The following GLRA2 variants were observed in gnomAD, a reference collection of about 807,000 sequenced individuals.
The protein encoded by GLRA2 is glycine receptor alpha 2.
Under a neutral mutation model 31.6 loss-of-function variants are expected in GLRA2, and 11 were observed. The observed-to-expected ratio is 0.35, with a 90% CI of 0.22 to 0.58. The LOEUF (loss-of-function observed/expected upper bound fraction) is 0.58. GLRA2 is among the 20% of genes least tolerant of loss of function. The pLI, the probability that GLRA2 is intolerant of heterozygous loss-of-function variation, is 0.84. For missense variants in GLRA2, 212 were observed against 351.8 expected (o/e 0.60, Z 3.18); for synonymous variants, 132 against 134.0 (o/e 0.99, Z 0.10).
At chrX:14,690,578 T>A (rs2091334468) in intron 7 of GLRA2, 132 bp from the exon 8 acceptor site, 2 of 461,619 alleles carry the variant, frequency 4.3e-6, no homozygotes, top group Non-Finnish European at 7.4e-6. Flanking sequence ...CGCTGGAAAA[T>A]CATTGACCAA....
At chrX:14,601,460 G>A (rs761074201) in intron 4 of GLRA2, among the ~76,000 whole-genome samples, 1 of 111,477 alleles carries the variant, frequency 9.0e-6, no homozygotes, top group African/African-American at 3.3e-5. Flanking sequence ...ACACAAAGAT[G>A]GGAAAGCTGT....
the GLRA2 span, among the ~76,000 whole-genome samples, chrX:14,493,660 CATAT>C: frequency 2.1e-5 from 2 of 94,384 alleles, no homozygotes; most frequent in Non-Finnish European, 4.1e-5. Flanking sequence ...CATATGTACA[CATAT>C]ATATGTATAC....
At chrX:14,656,886 T>C (rs1452658368) in intron 7 of GLRA2, among the ~76,000 whole-genome samples, 1 of 111,912 alleles carries the variant, frequency 8.9e-6, no homozygotes, top group Admixed American at 9.5e-5. Context: ...GCGTGGTAAA[T>C]TGTTAGGTGA....
At chrX:14,577,070 T>A (rs1026362084) in intron 3 of GLRA2, among the ~76,000 whole-genome samples, 2 of 112,853 alleles carry the variant, frequency 1.8e-5, no homozygotes, top group Admixed American at 1.9e-4. Context: ...ATTGGCAAAC[T>A]TTTTCTGTAA....
At chrX:14,523,177 G>C in the GLRA2 span, among the ~76,000 whole-genome samples, 5 of 112,103 alleles carry the variant, frequency 4.5e-5, no homozygotes, top group Non-Finnish European at 7.5e-5. Flanking sequence ...ACTCGAGCAC[G>C]TTGCATTTTT....
chrX:14,470,700 G>C, the GLRA2 span, among the ~76,000 whole-genome samples: 3,906 of 111,669 alleles, frequency 0.035, 160 homozygotes, highest in African/African-American at 0.12. Flanking sequence ...TTTTCAAATT[G>C]TTATGAACTC....
At chrX:14,594,309 G>T (rs1057288049) in intron 4 of GLRA2, among the ~76,000 whole-genome samples, 3 of 110,741 alleles carry the variant, frequency 2.7e-5, no homozygotes, top group African/African-American at 9.9e-5. Flanking sequence ...TTGCTACACT[G>T]TACAGTAACT....
the GLRA2 span, among the ~76,000 whole-genome samples, chrX:14,473,283 A>G: frequency 9.0e-6 from 1 of 111,667 alleles, no homozygotes; most frequent in South Asian, 3.8e-4. Context: ...GACATTCAGG[A>G]TGTGGTTTAA....
chrX:14,654,733 C>T (rs1038769820), intron 7 of GLRA2, among the ~76,000 whole-genome samples: 8 of 111,349 alleles, frequency 7.2e-5, no homozygotes, highest in Non-Finnish European at 1.3e-4. Flanking sequence ...TTGTATTAGT[C>T]CATTTTCACA....
At chrX:14,473,951 A>G in the GLRA2 span, among the ~76,000 whole-genome samples, 1 of 111,924 alleles carries the variant, frequency 8.9e-6, no homozygotes, top group Non-Finnish European at 1.9e-5. Context: ...CTGTTCTATT[A>G]CATAAGAACA....
intron 8 of GLRA2, among the ~76,000 whole-genome samples, chrX:14,697,418 G>A (rs1197868139): frequency 8.9e-6 from 1 of 112,144 alleles, no homozygotes; most frequent in East Asian, 2.8e-4. Context: ...CGGTATAGGG[G>A]TATGCATGTG....
chrX:14,484,175 G>A, the GLRA2 span, among the ~76,000 whole-genome samples: 1 of 111,595 alleles, frequency 9.0e-6, no homozygotes, highest in Non-Finnish European at 1.9e-5. Flanking sequence ...ACCCTAATAC[G>A]ATAAGAAAAA....
At chrX:14,610,681 A>G (rs2090387431) in intron 7 of GLRA2, among the ~76,000 whole-genome samples, 1 of 112,060 alleles carries the variant, frequency 8.9e-6, no homozygotes, top group South Asian at 3.7e-4. Flanking sequence ...ACAAACATAT[A>G]TTTTACAATT....
rs1229882581 is a variant in GLRA2, at chrX:14,532,320, G to A, written c.150G>A (p.Lys50=). The change falls in exon 2 of 9, where the codon AAG becomes AAA. Residue 50 remains lysine, a synonymous_variant. Coordinates refer to ENST00000218075, the MANE Select transcript of GLRA2 (RefSeq NM_002063.4). The stretch of plus-strand genomic sequence containing the variant: ...TATCTCCTTCAGATTTCTTGGACAA[G>A]TTAATGGGAAGGACATCAGGATATG... ...QTLSPSDFLD[K]LMGRTSGYDA... 10 of 1,192,969 alleles carry A rather than the reference G, an allele frequency of 8.4e-6. No individual in the cohort carries two copies. The highest frequency in any genetic ancestry group is 3.5e-5 in the African/African-American group (2 of 57,360).
Position 14,730,477 on chromosome X carries a change from A to C in GLRA2, c.1351A>C (p.Lys451Gln), listed in dbSNP as rs751016526. The change falls in exon 9 of 9, where the codon AAG (lysine) becomes CAG (glutamine). Residue 451 changes from lysine to glutamine, a missense_variant. Physicochemically the swap from Lys to Gln is moderately conservative, Grantham distance 53 (BLOSUM62 1). Coordinates refer to ENST00000218075, the MANE Select transcript of GLRA2 (RefSeq NM_002063.4). ...YKIIRHEDVH[K>Q]K Reference sequence around the variant, plus strand: ...GATCATTCGGCATGAAGATGTCCACAAGAAATAGATGTGCCCTACAGACCC... The same window carrying C: ...GATCATTCGGCATGAAGATGTCCACCAGAAATAGATGTGCCCTACAGACCC... The C allele has an allele frequency of 5.0e-6, 6 of 1,198,045 alleles. No homozygotes were observed. The African/African-American group carries it at 1.1e-4, about 21-fold the overall frequency.
intron 6 of GLRA2, among the ~76,000 whole-genome samples, chrX:14,607,734 T>C (rs2090351168): frequency 9.0e-6 from 1 of 111,287 alleles, no homozygotes; most frequent in Non-Finnish European, 1.9e-5. Context: ...AATAGAGCTG[T>C]TGTGTTCTTC....
chrX:14,575,817 G>A (rs1259320305), intron 3 of GLRA2, among the ~76,000 whole-genome samples: 2 of 111,313 alleles, frequency 1.8e-5, no homozygotes, highest in Middle Eastern at 4.7e-3. Flanking sequence ...ATAGCCTATT[G>A]GATCATTAGT....
At chrX:14,598,237 T>A (rs2090229872) in intron 4 of GLRA2, among the ~76,000 whole-genome samples, 1 of 111,888 alleles carries the variant, frequency 8.9e-6, no homozygotes, top group South Asian at 3.7e-4. Flanking sequence ...GAATTAACTC[T>A]CCAAAAATAG....
At chrX:14,544,633 C>T (rs1416979903) in intron 2 of GLRA2, among the ~76,000 whole-genome samples, 4 of 111,240 alleles carry the variant, frequency 3.6e-5, no homozygotes, top group Non-Finnish European at 5.7e-5. Flanking sequence ...TTAAATCACT[C>T]TAAGTTTCTC....
Sources: allele counts gnomAD v4.1 joint callset (sites outside exome capture counted in the v4.1 genomes callset), GRCh38; gene constraint gnomAD v4.1.1; transcripts MANE v1.5; gene names NCBI Gene and HGNC (gene_info 2026-07-23, HGNC 2026-07-21).